Variants in DCN observed in about 807,000 individuals in gnomAD.
The protein encoded by DCN is decorin, also known as bone proteoglycan II.
A neutral mutation model predicts 36.5 loss-of-function variants in DCN; 17 were observed. The observed-to-expected ratio is 0.47, with a 90% CI of 0.32 to 0.70. The LOEUF (loss-of-function observed/expected upper bound fraction) is 0.70. Ranked by LOEUF, DCN falls within the 30% of genes least tolerant of loss-of-function variation. DCN has a pLI of 0.04. For missense variants in DCN, 389 were observed against 430.1 expected, an observed-to-expected ratio of 0.90 and a Z score of 0.84; for synonymous variants, 163 against 161.4, an observed-to-expected ratio of 1.01 and a Z score of -0.07.
chr12:91,172,380 G>A (rs577448862), intron 2 of DCN: 47 of 157,438 alleles, frequency 3.0e-4, no homozygotes, highest in Non-Finnish European at 5.5e-4. Context: ...TGGGACATTG[G>A]TGGTGTACTT....
chr12:91,179,701 C>T (rs1883492247), intron 1 of DCN: 2 of 152,058 alleles, frequency 1.3e-5, no homozygotes, highest in Admixed American at 1.3e-4. Context: ...TTTTTTAAAA[C>T]ACAAAATTAG....
chr12:91,148,749 A>AAAC (rs1881212885), intron 7 of DCN, among the ~76,000 whole-genome samples: 1 of 147,868 alleles, frequency 6.8e-6, no homozygotes, highest in African/African-American at 2.6e-5. Context: ...AAAAAAAAAA[A>AAAC]TTTGAAATAT....
intron 5 of DCN, among the ~76,000 whole-genome samples, chr12:91,156,812 C>T (rs770483214): frequency 1.3e-5 from 2 of 151,630 alleles, no homozygotes; most frequent in Admixed American, 6.6e-5. Context: ...TTAAACTAGA[C>T]ATTAACAGGA....
In DCN at chr12:91,146,228, T is replaced by C. The variant is rs1209511414; in HGVS notation, c.910A>G (p.Ile304Val). The C allele has an allele frequency of 6.2e-7, 1 of 1,609,964 alleles. No homozygotes were observed. Among genetic ancestry groups the C allele is most frequent in the Non-Finnish European group, 8.5e-7 (1 of 1,176,682 alleles). ...AAGTCACTTGATCCAACTACAGAGA[T>C]ATTGTTGTTATGAAGGTAGACAACC... ...IQVVYLHNNN[I>V]SVVGSSDFCP... Residue 304 changes from isoleucine to valine, a missense_variant, in exon 8 of 8, where the codon ATC becomes GTC. Ile to Val is a conservative substitution (Grantham distance 29). Transcript: ENST00000052754.
chr12:91,152,546 T>G (rs1442526455), intron 6 of DCN, among the ~76,000 whole-genome samples: 1 of 152,076 alleles, frequency 6.6e-6, no homozygotes, highest in Non-Finnish European at 1.5e-5. Context: ...AAAAAATCAT[T>G]AAGAAGGGCC....
At chr12:91,168,937 A>G (rs1882756041) in intron 2 of DCN, among the ~76,000 whole-genome samples, 1 of 152,220 alleles carries the variant, frequency 6.6e-6, no homozygotes, top group Non-Finnish European at 1.5e-5. Flanking sequence ...TACATGGCAT[A>G]TATTTCTCCT....
chr12:91,156,246 A>G (rs546091792), intron 5 of DCN, among the ~76,000 whole-genome samples: 1 of 152,210 alleles, frequency 6.6e-6, no homozygotes, highest in East Asian at 1.9e-4. Flanking sequence ...TTGGTTTTAG[A>G]GAGTAAGCTC....
At chr12:91,173,114 AT>A (rs781117647) in intron 2 of DCN, among the ~76,000 whole-genome samples, 39 of 149,390 alleles carry the variant, frequency 2.6e-4, no homozygotes, top group Admixed American at 1.0e-3. Flanking sequence ...TTGCAGACTC[AT>A]TTTTTTTTTA....
intron 3 of DCN, among the ~76,000 whole-genome samples, 153 bp downstream of exon 3, chr12:91,164,451 TA>T (rs1221687666): frequency 3.2e-4 from 16 of 49,630 alleles, no homozygotes; most frequent in East Asian, 5.0e-4. Context: ...GCAGAATTAA[TA>T]AAAAAAAAGT....
rs1225290169 is a variant in DCN at position 91,164,586 on chromosome 12, A to T, written c.324+19T>A. The T allele has an allele frequency of 1.7e-5, 20 of 1,184,178 alleles. No individual in the cohort carries two copies. The highest frequency in any genetic ancestry group is 2.1e-5 in the Non-Finnish European group (17 of 803,680). The allele number at this position is 1,184,178 out of a possible 1,614,324, so 73.4% of individuals were successfully genotyped here. On this transcript the variant is annotated intron_variant, in intron 3 of 7. Coordinates refer to ENST00000052754, the MANE Select transcript of DCN (RefSeq NM_001920.5). ...CTTGAGTCTTATCTTATTGTGAGTT[A>T]AAAAAAAATAGTTCTTACGTGAAGG...
chr12:91,170,367 G>C (rs1401778392), intron 2 of DCN, among the ~76,000 whole-genome samples: 1 of 152,044 alleles, frequency 6.6e-6, no homozygotes, highest in East Asian at 1.9e-4. Flanking sequence ...CTGTTTTTCA[G>C]GTATGTCAAG....
At chr12:91,165,868 A>G (rs1882535373) in intron 2 of DCN, among the ~76,000 whole-genome samples, 1 of 152,162 alleles carries the variant, frequency 6.6e-6, no homozygotes, top group Non-Finnish European at 1.5e-5. Context: ...TCCTGGGAAT[A>G]TAGCAGGACC....
intron 5 of DCN, among the ~76,000 whole-genome samples, chr12:91,154,181 A>T (rs992958292): frequency 2.0e-5 from 3 of 152,140 alleles, no homozygotes; most frequent in Non-Finnish European, 4.4e-5. Flanking sequence ...AATATTGTCC[A>T]TTTAATAAAA....
At chr12:91,174,763 G>A (rs1434933071) in intron 2 of DCN, among the ~76,000 whole-genome samples, 1 of 152,064 alleles carries the variant, frequency 6.6e-6, no homozygotes, top group Non-Finnish European at 1.5e-5. Context: ...AGTTTTAAGA[G>A]GCATTTTAAC....
chr12:91,182,564 T>TG (rs1388529198), intron 1 of DCN, 91 bp downstream of exon 1: 2 of 152,046 alleles, frequency 1.3e-5, no homozygotes, highest in East Asian at 3.9e-4. Context: ...TTTCCTTTTC[T>TG]TTTTCTCACC....
At chr12:91,181,861 T>C (rs1868416148) in intron 1 of DCN, among the ~76,000 whole-genome samples, 1 of 151,700 alleles carries the variant, frequency 6.6e-6, no homozygotes, top group African/African-American at 2.4e-5. Flanking sequence ...AGGGTTACTA[T>C]AGGAGGCATT....
At chr12:91,165,667 AT>A (rs1243743609) in intron 2 of DCN, among the ~76,000 whole-genome samples, 1 of 152,116 alleles carries the variant, frequency 6.6e-6, no homozygotes, top group East Asian at 1.9e-4. Context: ...AAAATTTGAT[AT>A]TCTATTAACT....
At chr12:91,162,663 A>G (rs1882235421) in intron 3 of DCN, among the ~76,000 whole-genome samples, 1 of 152,182 alleles carries the variant, frequency 6.6e-6, no homozygotes, top group Non-Finnish European at 1.5e-5. Context: ...TGTGAACTCT[A>G]ATCTCCACAG....
At chr12:91,150,303 A>G (rs1881320157) in intron 7 of DCN, among the ~76,000 whole-genome samples, 1 of 152,226 alleles carries the variant, frequency 6.6e-6, no homozygotes, top group Admixed American at 6.5e-5. Flanking sequence ...TTCATTGGAG[A>G]AAGAATATTA....
Sources: gnomAD v4.1 joint callset for allele counts (sites outside exome capture counted in the v4.1 genomes callset) on GRCh38, gnomAD v4.1.1 for gene constraint, MANE v1.5 for transcripts, NCBI Gene and HGNC (gene_info 2026-07-23, HGNC 2026-07-21) for gene names.